ARHGEF12: variants seen among roughly 807,000 people sequenced by gnomAD.
ARHGEF12 encodes the protein KMT2A/ARHGEF12 fusion protein.
In ARHGEF12, 66 loss-of-function variants were observed where a neutral mutation model predicts 211.2. The ratio of observed to expected loss-of-function variants is 0.31; its 90% confidence interval spans 0.26 to 0.38. The LOEUF (loss-of-function observed/expected upper bound fraction) is 0.38. Among genes scored for constraint, ARHGEF12 ranks in the 10% least tolerant of loss-of-function variants. The pLI is 1.00. For synonymous variants in ARHGEF12, 592 were observed against 638.4 expected (o/e 0.93, Z 1.09); for missense variants, 1,429 against 1,869.5 (o/e 0.76, Z 4.34).
At chr11:120,471,774 G>A (rs920026714) in intron 30 of ARHGEF12, among the ~76,000 whole-genome samples, 1 of 152,164 alleles carries the variant, frequency 6.6e-6, no homozygotes, top group Non-Finnish European at 1.5e-5. Flanking sequence ...AATGTTAATT[G>A]TAGAATATAG....
At chr11:120,368,357 G>A (rs185944803) in intron 1 of ARHGEF12, among the ~76,000 whole-genome samples, 6 of 152,244 alleles carry the variant, frequency 3.9e-5, no homozygotes, top group Admixed American at 1.3e-4. Flanking sequence ...TGCCGAGGCT[G>A]GTCTCAAACT....
intron 1 of ARHGEF12, among the ~76,000 whole-genome samples, chr11:120,399,759 A>T (rs1470080143): frequency 1.3e-5 from 2 of 152,162 alleles, no homozygotes; most frequent in African/African-American, 4.8e-5. Context: ...CTGCAGAATG[A>T]TATTTTTATG....
chr11:120,469,309 AG>A lies in ARHGEF12; in HGVS notation c.2878del (p.Val960Ter). 1 of 1,613,282 alleles carries A rather than the reference AG, an allele frequency of 6.2e-7. No individual in the cohort carries two copies. The highest frequency in any genetic ancestry group is 8.5e-7 in the Non-Finnish European group (1 of 1,179,566). ...KYTEWPTERE[K>X]VKKAADHCRQ... ...TTAGAATGGCCAACAGAAAGGGAGAAGGTGAAGAAAGCTGCAGATCACTGTC... is the reference window on the plus strand; with the variant it reads ...TTAGAATGGCCAACAGAAAGGGAGAAGTGAAGAAAGCTGCAGATCACTGTC... On this transcript the variant is annotated frameshift_variant, in exon 30 of 41. Transcript: ENST00000397843. LOFTEE classifies it high-confidence loss of function.
rs77634348 is a variant in ARHGEF12, at chr11:120,404,382, A to T, written c.33-1736A>T. On this transcript the variant is annotated intron_variant, in intron 1 of 40. Transcript: ENST00000397843. Reference sequence around the variant, plus strand: ...CATATATATACACACATATGTACACATATATTTATTTGCTTTAGCAGATAC... The same window carrying T: ...CATATATATACACACATATGTACACTTATATTTATTTGCTTTAGCAGATAC... 6.6e-5 allele frequency among the ~76,000 whole-genome samples: 10 copies of T among 152,346 alleles called. No homozygotes were observed. In the East Asian group the frequency reaches 1.9e-3, roughly 29 times the overall value.
chr11:120,437,394 A>G lies in ARHGEF12; in HGVS notation c.999+12A>G. 6.2e-7 allele frequency: 1 copy of G among 1,603,832 alleles called. No individual in the cohort carries two copies. Among genetic ancestry groups the G allele is most frequent in the Non-Finnish European group, 8.5e-7 (1 of 1,172,356 alleles). ...CAATTCAGGACACTGTGAGTATGAA[A>G]TCCATGCAATGATAGTGCTGTCTTT... On this transcript the variant is annotated intron_variant, in intron 12 of 40. Transcript: ENST00000397843.
chr11:120,477,740 C>A, intron 36 of ARHGEF12: 1 of 444,154 alleles, frequency 2.3e-6, no homozygotes, highest in Non-Finnish European at 3.9e-6. Context: ...GTGGTAGGTG[C>A]CTGTAATCCC....
At chr11:120,451,810 C>A in intron 22 of ARHGEF12, 86 bp downstream of exon 22, 1 of 1,234,900 alleles carries the variant, frequency 8.1e-7, no homozygotes, top group Non-Finnish European at 1.1e-6. Flanking sequence ...GCAAGTTAAT[C>A]AAGACTAAAT....
intron 1 of ARHGEF12, among the ~76,000 whole-genome samples, chr11:120,340,012 A>G (rs1942484466): frequency 6.6e-6 from 1 of 152,224 alleles, no homozygotes; most frequent in Non-Finnish European, 1.5e-5. Flanking sequence ...TCTATGTAGT[A>G]TATCCAAACA....
At chr11:120,343,923 G>A (rs1339765435) in intron 1 of ARHGEF12, among the ~76,000 whole-genome samples, 1 of 152,052 alleles carries the variant, frequency 6.6e-6, no homozygotes, top group East Asian at 1.9e-4. Context: ...AGATCAAAGA[G>A]GACTTTGTAG....
In ARHGEF12 at chr11:120,451,640, G is replaced by T; in HGVS notation, c.1972G>T (p.Ala658Ser). The T allele has an allele frequency of 1.9e-6, 3 of 1,614,090 alleles. No homozygotes were observed. The highest frequency in any genetic ancestry group is 1.3e-5 in the African/African-American group (1 of 75,018). Residue 658 changes from alanine to serine, a missense_variant, in exon 22 of 41, where the codon GCT becomes TCT. Around this residue, in one of 7 missense-constraint regions of ARHGEF12, gnomAD observed 373 missense variants for 467.5 expected, o/e 0.80. Transcript: ENST00000397843. ...QSGLANEGTD[A>S]GYLPANSMSS... ...TGGGTTAGCAAATGAAGGAACAGAC[G>T]CTGGATACCTGCCTGCCAATTCCAT...
intron 11 of ARHGEF12, among the ~76,000 whole-genome samples, chr11:120,436,853 T>G (rs1945710205): frequency 1.3e-5 from 2 of 152,148 alleles, no homozygotes; most frequent in African/African-American, 4.8e-5. Flanking sequence ...ACCATATAAA[T>G]GTATTAAAAT....
At chr11:120,431,590 G>T (rs112640730) in intron 10 of ARHGEF12, among the ~76,000 whole-genome samples, 181 bp from the exon 11 acceptor site, 1 of 152,194 alleles carries the variant, frequency 6.6e-6, no homozygotes, top group East Asian at 1.9e-4. Context: ...TTAGAATACC[G>T]GAATTAGTAG....
chr11:120,386,028 A>G (rs1355078173), intron 1 of ARHGEF12, among the ~76,000 whole-genome samples: 17 of 152,286 alleles, frequency 1.1e-4, no homozygotes. Context: ...TTGGAAACTA[A>G]ATTGAAATAT....
intron 28 of ARHGEF12, among the ~76,000 whole-genome samples, chr11:120,466,158 T>C: frequency 6.6e-6 from 1 of 152,342 alleles, no homozygotes; most frequent in Admixed American, 6.5e-5. Flanking sequence ...GTTCCTCCCT[T>C]GAGAGTTTGA....
At chr11:120,392,648 A>G (rs1344731092) in intron 1 of ARHGEF12, among the ~76,000 whole-genome samples, 1 of 152,208 alleles carries the variant, frequency 6.6e-6, no homozygotes, top group Non-Finnish European at 1.5e-5. Context: ...TAACTATGTC[A>G]AGGGCTCAGA....
intron 4 of ARHGEF12, among the ~76,000 whole-genome samples, chr11:120,420,253 T>C (rs181517341): frequency 9.4e-4 from 143 of 152,350 alleles, no homozygotes; most frequent in Non-Finnish European, 8.7e-4. Context: ...GCACCTCCTT[T>C]CTTTTTACTG....
At chr11:120,354,734 A>G (rs1943084296) in intron 1 of ARHGEF12, among the ~76,000 whole-genome samples, 1 of 152,226 alleles carries the variant, frequency 6.6e-6, no homozygotes, top group Admixed American at 6.5e-5. Flanking sequence ...TAAATCTTTT[A>G]TTGAGTAAAG....
At chr11:120,404,807 G>C (rs1411148690) in intron 1 of ARHGEF12, among the ~76,000 whole-genome samples, 3 of 152,152 alleles carry the variant, frequency 2.0e-5, no homozygotes, top group African/African-American at 4.8e-5. Flanking sequence ...CTGTCAACTT[G>C]TATGTTCATC....
intron 1 of ARHGEF12, among the ~76,000 whole-genome samples, chr11:120,354,439 C>T (rs1362599297): frequency 2.0e-5 from 3 of 152,238 alleles, no homozygotes. Flanking sequence ...GGGTCCCACA[C>T]ACCCCATATG....
Sources: gnomAD v4.1 joint callset for allele counts (sites outside exome capture counted in the v4.1 genomes callset) on GRCh38, gnomAD v4.1.1 for gene constraint, gnomAD v4.1.1 regional missense constraint, MANE v1.5 for transcripts, NCBI Gene and HGNC (gene_info 2026-07-23, HGNC 2026-07-21) for gene names.